Variants in LRRC8C observed in about 807,000 individuals in gnomAD.
LRRC8C encodes the protein volume-regulated anion channel subunit LRRC8C.
In LRRC8C, 20 loss-of-function variants were observed where a neutral mutation model predicts 55.3. The observed-to-expected ratio is 0.36, with a 90% CI of 0.25 to 0.53. LRRC8C has a LOEUF of 0.53. Ranked by LOEUF, LRRC8C falls within the 20% of genes least tolerant of loss-of-function variation. The pLI is 0.92. For synonymous variants in LRRC8C, 376 were observed against 360.7 expected (o/e 1.04, Z -0.48); for missense variants, 659 against 951.4 (o/e 0.69, Z 4.04).
chr1:89,664,643 A>G (rs1657208566), intron 1 of LRRC8C, among the ~76,000 whole-genome samples: 1 of 152,196 alleles, frequency 6.6e-6, no homozygotes, highest in Non-Finnish European at 1.5e-5. Context: ...TTGGTTCCAT[A>G]TGAAATTTAA....
At chr1:89,618,373 G>C in the LRRC8C span, among the ~76,000 whole-genome samples, 10 of 152,158 alleles carry the variant, frequency 6.6e-5, no homozygotes, top group Admixed American at 1.3e-4. Context: ...TGCAGGATTC[G>C]AGTTTAAGTT....
upstream of LRRC8C, chr1:89,629,780 ATGG>A (rs1656058917): frequency 6.6e-6 from 1 of 152,266 alleles, no homozygotes; most frequent in Non-Finnish European, 1.5e-5. Flanking sequence ...AGAGCATGCC[ATGG>A]TAAGTGCTGT....
At chr1:89,619,227 T>G in the LRRC8C span, among the ~76,000 whole-genome samples, 1,778 of 152,262 alleles carry the variant, frequency 0.012, 46 homozygotes, top group African/African-American at 0.041. Context: ...TCCACAGAAG[T>G]TCTACAATAT....
In LRRC8C at chr1:89,717,040, A is replaced by G. The variant is rs1288050492; in HGVS notation, c.*2058A>G. The G allele has an allele frequency of 2.0e-5, 3 of 152,198 alleles. No individual in the cohort carries two copies. The East Asian group carries it at 5.8e-4, about 29-fold the overall frequency. 9.4% of individuals were successfully genotyped at this position (152,198 alleles called of 1,614,324 possible). ...GACCTGGAATTGAAATAATGTGCTC[A>G]GAATAATAACATGGTTATAGTTCTT... On this transcript the variant is annotated 3_prime_UTR_variant, in exon 3 of 3. Transcript: ENST00000370454.
upstream of LRRC8C, chr1:89,631,714 G>C (rs1557642247): frequency 6.6e-6 from 1 of 151,854 alleles, no homozygotes; most frequent in Admixed American, 6.6e-5. Flanking sequence ...TTTTTGTCTT[G>C]TTGTAGGTTA....
At chr1:89,675,902 A>G (rs1432903685) in intron 1 of LRRC8C, among the ~76,000 whole-genome samples, 1 of 152,240 alleles carries the variant, frequency 6.6e-6, no homozygotes, top group African/African-American at 2.4e-5. Flanking sequence ...GACTATAGGT[A>G]TACTCAGAAT....
At chr1:89,661,543 T>C (rs892456253) in intron 1 of LRRC8C, among the ~76,000 whole-genome samples, 7 of 152,228 alleles carry the variant, frequency 4.6e-5, no homozygotes, top group African/African-American at 1.7e-4. Flanking sequence ...ATAGTGTTTC[T>C]TGATAGGTTC....
At chr1:89,664,774 A>G (rs1009531644) in intron 1 of LRRC8C, among the ~76,000 whole-genome samples, 4 of 152,196 alleles carry the variant, frequency 2.6e-5, no homozygotes, top group Non-Finnish European at 4.4e-5. Flanking sequence ...TCTATCCATG[A>G]GCATGGAATG....
chr1:89,650,478 T>C (rs368162999), intron 1 of LRRC8C, among the ~76,000 whole-genome samples: 1 of 146,910 alleles, frequency 6.8e-6, no homozygotes, highest in African/African-American at 2.5e-5. Context: ...TGGAATTTAA[T>C]CAGTAGAAAT....
chr1:89,709,839 C>T (rs1330273071), intron 2 of LRRC8C, among the ~76,000 whole-genome samples: 2 of 151,462 alleles, frequency 1.3e-5, no homozygotes, highest in African/African-American at 2.4e-5. Flanking sequence ...GCAAGCTCCG[C>T]CTCCCGGGTT....
intron 2 of LRRC8C, among the ~76,000 whole-genome samples, chr1:89,692,264 C>T (rs1658047432): frequency 6.6e-6 from 1 of 152,158 alleles, no homozygotes; most frequent in Admixed American, 6.5e-5. Flanking sequence ...ATCTTATTTA[C>T]AAAGCAAGTT....
chr1:89,639,752 G>T (rs1000818851), intron 1 of LRRC8C, among the ~76,000 whole-genome samples: 1 of 152,138 alleles, frequency 6.6e-6, no homozygotes, highest in Admixed American at 6.5e-5. Flanking sequence ...AAATAATCAT[G>T]TTATAAATAT....
rs1658830398 is a variant in LRRC8C, at chr1:89,716,644, T to C, written c.*1662T>C. 1 of 152,224 alleles carries C rather than the reference T, an allele frequency of 6.6e-6. No individual in the cohort carries two copies. The highest frequency in any genetic ancestry group is 1.5e-5 in the Non-Finnish European group (1 of 68,034). The allele number at this position is 152,224 out of a possible 1,614,324, so 9.4% of individuals were successfully genotyped here. A position where few individuals can be genotyped will look rare whatever the true frequency, so the allele number is the denominator to read the frequency against. ...GACCTAGAACCAGAACCACTAATTA[T>C]GAGAACTTTGTTTTATGTACCAAAT... On this transcript the variant is annotated 3_prime_UTR_variant, in exon 3 of 3. Transcript: ENST00000370454.
intron 2 of LRRC8C, chr1:89,706,203 A>C (rs1306209309): frequency 2.3e-6 from 1 of 440,378 alleles, no homozygotes; most frequent in East Asian, 7.0e-5. Context: ...CTGCAGAATG[A>C]CTTTTCCTGA....
At chr1:89,687,708 T>G (rs1328717145) in intron 2 of LRRC8C, among the ~76,000 whole-genome samples, 1 of 152,068 alleles carries the variant, frequency 6.6e-6, no homozygotes, top group African/African-American at 2.4e-5. Context: ...CACAACTAAC[T>G]CATGGACTAA....
intron 2 of LRRC8C, among the ~76,000 whole-genome samples, chr1:89,699,325 C>T (rs954691738): frequency 1.3e-5 from 2 of 152,116 alleles, no homozygotes; most frequent in South Asian, 4.2e-4. Context: ...ATACATTTGT[C>T]CAAATCTTTA....
At chr1:89,647,285 C>T (rs893814765) in intron 1 of LRRC8C, among the ~76,000 whole-genome samples, 3 of 152,118 alleles carry the variant, frequency 2.0e-5, no homozygotes, top group Non-Finnish European at 4.4e-5. Context: ...AGTGCCTCCT[C>T]CTTTTTATAT....
intron 1 of LRRC8C, among the ~76,000 whole-genome samples, chr1:89,635,176 A>T (rs1656242345): frequency 6.6e-6 from 1 of 152,206 alleles, no homozygotes; most frequent in Non-Finnish European, 1.5e-5. Flanking sequence ...TTTATCTTTT[A>T]AAAAACAATA....
At position 89,712,690 on chromosome 1, in the gene LRRC8C, T is replaced by C; in HGVS notation, c.139-19T>C. On this transcript the variant is annotated intron_variant, in intron 2 of 2. Coordinates refer to ENST00000370454, the MANE Select transcript of LRRC8C (RefSeq NM_032270.5). ...CTCTTTGAGTAATATAATTTGAAAA[T>C]ATTATTTCCATGTTTCAGGTCATGC... is the stretch of plus-strand genomic sequence containing the variant. 1.3e-6 allele frequency: 2 copies of C among 1,572,174 alleles called. No homozygotes were observed.
Sources: allele counts gnomAD v4.1 joint callset (sites outside exome capture counted in the v4.1 genomes callset), GRCh38; gene constraint gnomAD v4.1.1; transcripts MANE v1.5; gene names NCBI Gene and HGNC (gene_info 2026-07-23, HGNC 2026-07-21).